The following CSMD1 variants were observed in gnomAD, a reference collection of about 807,000 sequenced individuals.
CSMD1 encodes the protein CUB and sushi domain-containing protein 1.
In CSMD1, 213 loss-of-function variants were observed where a neutral mutation model predicts 417.5. That is an observed-to-expected ratio of 0.51 (90% CI 0.46 to 0.57). CSMD1 has a LOEUF of 0.57. CSMD1 is among the 20% of genes least tolerant of loss of function. The probability of loss-of-function intolerance (pLI) is 0.00; values close to 1 mark genes in which losing one functional copy is unlikely to be tolerated. For synonymous variants in CSMD1, 2,862 were observed against 1,736.8 expected, an observed-to-expected ratio of 1.65 and a Z score of -16.11; for missense variants, 6,923 against 4,529.7, an observed-to-expected ratio of 1.53 and a Z score of -15.17.
intron 25 of CSMD1, among the ~76,000 whole-genome samples, chr8:3,297,890 C>G (rs1488865721): frequency 6.6e-6 from 1 of 151,840 alleles, no homozygotes; most frequent in Non-Finnish European, 1.5e-5. Context: ...AATTAAAAAC[C>G]TGTGTTTATC....
intron 5 of CSMD1, among the ~76,000 whole-genome samples, chr8:3,889,452 CATATATATATATATATATATATATAT>C (rs1171842639): frequency 2.2e-5 from 1 of 45,376 alleles, no homozygotes. Flanking sequence ...CTGATCTTTC[CATATATATATATATATATATATATAT>C]ATATATATAT....
At position 4,148,787 on chromosome 8, in the gene CSMD1, A is replaced by G. The variant is rs143477742; in HGVS notation, c.416-116688T>C. ...CCATCACCCTGAGTTTAGAATTTCA[A>G]CAGGTGCATTGGGAAGGGATGTCAT... On this transcript the variant is annotated intron_variant, in intron 3 of 69. Transcript: ENST00000635120. 7.1e-3 allele frequency among the ~76,000 whole-genome samples: 1,081 copies of G among 152,172 alleles called. 15 individuals are homozygous for G. The highest frequency in any genetic ancestry group is 0.025 in the African/African-American group (1,027 of 41,512).
intron 3 of CSMD1, among the ~76,000 whole-genome samples, chr8:4,151,720 A>G (rs1375593100): frequency 1.3e-5 from 2 of 152,252 alleles, no homozygotes. Flanking sequence ...CAGATAAATT[A>G]ACAGCGGGTA....
rs1198793570 is a variant in CSMD1 at position 4,882,350 on chromosome 8, C to T, written c.85+111982G>A. ...CCTGACATGTCGCCTGCTTGGTTTG[C>T]TTGGGCAATGGGGAGTACCGGAGGG... On this transcript the variant is annotated intron_variant, in intron 1 of 69. Coordinates refer to ENST00000635120, the MANE Select transcript of CSMD1 (RefSeq NM_033225.6). Among the ~76,000 whole-genome samples the T allele has an allele frequency of 1.3e-5, 2 of 151,668 alleles. 1 individual carries two copies. Among genetic ancestry groups the T allele is most frequent in the African/African-American group, 4.9e-5 (2 of 41,204 alleles).
chr8:3,564,151 T>C (rs985391768), intron 10 of CSMD1, among the ~76,000 whole-genome samples: 3 of 152,216 alleles, frequency 2.0e-5, no homozygotes, highest in East Asian at 1.9e-4. Flanking sequence ...GTTTGGAAGA[T>C]TGAAATTATT....
At chr8:4,335,300 C>G (rs527970957) in intron 3 of CSMD1, among the ~76,000 whole-genome samples, 2 of 152,048 alleles carry the variant, frequency 1.3e-5, no homozygotes, top group African/African-American at 4.8e-5. Flanking sequence ...CTACCATAAC[C>G]GGGAGGGTGA....
chr8:4,180,847 T>A (rs1288172782), intron 3 of CSMD1, among the ~76,000 whole-genome samples: 3 of 152,150 alleles, frequency 2.0e-5, no homozygotes, highest in African/African-American at 4.8e-5. Flanking sequence ...AATTATGATA[T>A]TTAAAAGCTC....
chr8:4,256,166 T>A (rs1803442539), intron 3 of CSMD1, among the ~76,000 whole-genome samples: 1 of 152,202 alleles, frequency 6.6e-6, no homozygotes, highest in Admixed American at 6.5e-5. Flanking sequence ...CAGAGCTTTT[T>A]ATGCCAATTT....
chr8:3,960,177 C>A (rs573876759), intron 5 of CSMD1, among the ~76,000 whole-genome samples: 2 of 152,238 alleles, frequency 1.3e-5, no homozygotes, highest in Non-Finnish European at 2.9e-5. Flanking sequence ...TGTATGTTGC[C>A]TTTACTTGTG....
intron 18 of CSMD1, chr8:3,373,619 T>C (rs1287444779): frequency 6.6e-6 from 1 of 152,216 alleles, no homozygotes; most frequent in Non-Finnish European, 1.5e-5. Flanking sequence ...AGGGCTGTAT[T>C]CATATGTAGA....
chr8:3,671,023 G>GAC (rs1798996145), intron 7 of CSMD1, among the ~76,000 whole-genome samples: 1 of 102,466 alleles, frequency 9.8e-6, no homozygotes, highest in East Asian at 2.7e-4. Flanking sequence ...ATGTATATGG[G>GAC]ATATATGCAT....
In CSMD1 at chr8:3,412,189, T is replaced by C. The variant is rs201115144; in HGVS notation, c.1562-2584A>G. 2.5e-5 allele frequency among the ~76,000 whole-genome samples: 3 copies of C among 122,336 alleles called. 1 individual carries two copies. The highest frequency in any genetic ancestry group is 1.8e-4 in the Admixed American group (2 of 11,290). The allele number at this position is 122,336 out of a possible 152,430, so 80.3% of individuals were successfully genotyped here. A position where few individuals can be genotyped will look rare whatever the true frequency, so the allele number is the denominator to read the frequency against. On this transcript the variant is annotated intron_variant, in intron 12 of 69. Transcript: ENST00000635120. ...ACATATATACATATATATACACACA[T>C]ATACATACATACACACACACACACC...
intron 2 of CSMD1, among the ~76,000 whole-genome samples, chr8:4,423,596 T>TGGAAGAC (rs1797373953): frequency 6.6e-6 from 1 of 152,098 alleles, no homozygotes; most frequent in South Asian, 2.1e-4. Flanking sequence ...GTATGGAAGA[T>TGGAAGAC]GGAAGACTCA....
chr8:4,062,575 A>G (rs192103984), intron 3 of CSMD1, among the ~76,000 whole-genome samples: 1 of 152,230 alleles, frequency 6.6e-6, no homozygotes, highest in African/African-American at 2.4e-5. Flanking sequence ...TATCCTATAA[A>G]AGTTTTCAGT....
chr8:3,619,962 C>T (rs1004519789), intron 7 of CSMD1, among the ~76,000 whole-genome samples: 1 of 152,026 alleles, frequency 6.6e-6, no homozygotes, highest in African/African-American at 2.4e-5. Context: ...ATCAGCCAGG[C>T]ATGGTGGCAG....
chr8:4,109,658 T>C (rs891993936), intron 3 of CSMD1, among the ~76,000 whole-genome samples: 1 of 152,170 alleles, frequency 6.6e-6, no homozygotes, highest in South Asian at 2.1e-4. Flanking sequence ...TGTAAGTTTG[T>C]TGTCCATTAT....
At position 3,903,320 on chromosome 8, in the gene CSMD1, C is replaced by T. The variant is rs1327428155; in HGVS notation, c.818+94583G>A. ...TTTAGAATATCCAGGATGAATTAAT[C>T]TGTCCAGCTAAAAAAAAAAAATGTA... On this transcript the variant is annotated intron_variant, in intron 5 of 69. Coordinates refer to ENST00000635120, the MANE Select transcript of CSMD1 (RefSeq NM_033225.6). 9.0e-5 allele frequency among the ~76,000 whole-genome samples: 5 copies of T among 55,356 alleles called. No individual in the cohort carries two copies. The East Asian group carries it at 3.0e-3, about 33-fold the overall frequency. 36.3% of individuals were successfully genotyped at this position (55,356 alleles called of 152,430 possible).
At chr8:4,441,095 G>GTTTTTGTT (rs1798444278) in intron 2 of CSMD1, among the ~76,000 whole-genome samples, 1 of 51,296 alleles carries the variant, frequency 1.9e-5, no homozygotes, top group African/African-American at 6.7e-5. Context: ...TAATCAAAAG[G>GTTTTTGTT]TTTTTTTTTT....
chr8:4,103,440 A>G (rs1231341290), intron 3 of CSMD1, among the ~76,000 whole-genome samples: 2 of 151,178 alleles, frequency 1.3e-5, no homozygotes, highest in African/African-American at 2.4e-5. Flanking sequence ...CTGTTAAAAA[A>G]GGGTACCATA....
Sources: allele counts gnomAD v4.1 joint callset (sites outside exome capture counted in the v4.1 genomes callset), GRCh38; gene constraint gnomAD v4.1.1; transcripts MANE v1.5; gene names NCBI Gene and HGNC (gene_info 2026-07-23, HGNC 2026-07-21).